The following ADAM10 variants were observed in gnomAD, a reference collection of about 807,000 sequenced individuals.
ADAM10 encodes the protein ADAM metallopeptidase domain 10.
In ADAM10, 17 loss-of-function variants were observed where a neutral mutation model predicts 90.1. The ratio of observed to expected loss-of-function variants is 0.19; its 90% CI spans 0.13 to 0.28. ADAM10 has a LOEUF of 0.28. Among genes scored for constraint, ADAM10 ranks in the 10% least tolerant of loss-of-function variants. ADAM10 has a pLI of 1.00. For synonymous variants in ADAM10, 310 were observed against 298.6 expected, an observed-to-expected ratio of 1.04 and a Z score of -0.40; for missense variants, 610 against 914.3, an observed-to-expected ratio of 0.67 and a Z score of 4.29.
At chr15:58,727,234 A>G (rs1406795276) in intron 1 of ADAM10, among the ~76,000 whole-genome samples, 1 of 123,968 alleles carries the variant, frequency 8.1e-6, no homozygotes, top group Non-Finnish European at 1.6e-5. Flanking sequence ...CTCGTTGCCC[A>G]GGCCGTAGCG....
chr15:58,669,051 T>C (rs1383073768), intron 4 of ADAM10, among the ~76,000 whole-genome samples: 1 of 152,164 alleles, frequency 6.6e-6, no homozygotes. Flanking sequence ...AATCTCCTAA[T>C]CATATGTCAA....
chr15:58,692,826 G>A (rs756928156), intron 2 of ADAM10: 4 of 649,078 alleles, frequency 6.2e-6, no homozygotes, highest in East Asian at 7.9e-5. Context: ...GCCCAATCAT[G>A]GAGATTTCTG....
At chr15:58,747,983 TTTG>T (rs1342007129) in intron 1 of ADAM10, 1 of 152,168 alleles carries the variant, frequency 6.6e-6, no homozygotes, top group African/African-American at 2.4e-5. Context: ...AGGAAAACGA[TTTG>T]TTGAAAGCCA....
intron 1 of ADAM10, among the ~76,000 whole-genome samples, chr15:58,731,823 C>G (rs922252885): frequency 6.6e-6 from 1 of 152,058 alleles, no homozygotes; most frequent in Non-Finnish European, 1.5e-5. Context: ...AAGCCCACCC[C>G]ATGACATGTG....
intron 1 of ADAM10, among the ~76,000 whole-genome samples, chr15:58,723,357 A>T (rs893226638): frequency 8.5e-5 from 13 of 152,138 alleles, no homozygotes; most frequent in Non-Finnish European, 1.5e-4. Flanking sequence ...GCGGAAAAAA[A>T]ATACACTGGT....
At chr15:58,657,463 T>C (rs1477090768) in intron 5 of ADAM10, among the ~76,000 whole-genome samples, 1 of 152,186 alleles carries the variant, frequency 6.6e-6, no homozygotes, top group Non-Finnish European at 1.5e-5. Context: ...TTTTATCAAT[T>C]CTGTTACTAA....
At position 58,597,305 on chromosome 15, in the gene ADAM10, A is replaced by T; in HGVS notation, c.*242T>A. 7.5e-7 allele frequency: 1 copy of T among 1,334,222 alleles called. No homozygotes were observed. Among genetic ancestry groups the T allele is most frequent in the Non-Finnish European group, 1.0e-6 (1 of 982,580 alleles). The allele number at this position is 1,334,222 out of a possible 1,614,324, so 82.6% of individuals were successfully genotyped here. On this transcript the variant is annotated 3_prime_UTR_variant, in exon 16 of 16. Transcript: ENST00000260408. ...TAATATTCTAAGACTTTGTGCCATT[A>T]AGTTAAAAATATCTGTTCATAAGAA...
chr15:58,663,188 C>T (rs1264220956), intron 5 of ADAM10, among the ~76,000 whole-genome samples: 4 of 152,186 alleles, frequency 2.6e-5, no homozygotes, highest in Non-Finnish European at 5.9e-5. Flanking sequence ...AAACTTCAAT[C>T]CATCTAGACT....
chr15:58,665,240 G>A, intron 4 of ADAM10, 43 bp from the exon 5 acceptor site: 2 of 1,374,246 alleles, frequency 1.5e-6, no homozygotes, highest in Middle Eastern at 3.6e-4. Context: ...ACACATTTAG[G>A]TATAACCAAT....
At chr15:58,661,142 T>C (rs942171122) in intron 5 of ADAM10, among the ~76,000 whole-genome samples, 10 of 152,262 alleles carry the variant, frequency 6.6e-5, no homozygotes, top group Non-Finnish European at 1.2e-4. Flanking sequence ...TCTCTGTATA[T>C]TACAAAATCC....
chr15:58,666,901 G>A (rs1009311353), intron 4 of ADAM10, among the ~76,000 whole-genome samples: 1 of 152,096 alleles, frequency 6.6e-6, no homozygotes, highest in Non-Finnish European at 1.5e-5. Context: ...CCAATAGAAA[G>A]GGTCAAGCAT....
Position 58,593,090 on chromosome 15 carries a change from G to A in ADAM10, c.*4457C>T, listed in dbSNP as rs1894859527. ...AATGAGAAAGGTGGGTTACAAAAGT[G>A]TGCATATTATGTTTTTGTCACACAC... On this transcript the variant is annotated 3_prime_UTR_variant, in exon 16 of 16. Transcript: ENST00000260408. 7.0e-6 allele frequency: 1 copy of A among 142,616 alleles called. No individual in the cohort carries two copies. The highest frequency in any genetic ancestry group is 2.3e-4 in the South Asian group (1 of 4,442). 8.8% of individuals were successfully genotyped at this position (142,616 alleles called of 1,614,324 possible). A position where few individuals can be genotyped will look rare whatever the true frequency, so the allele number is the denominator to read the frequency against.
rs1377396708 is a variant in ADAM10 at position 58,593,932 on chromosome 15, T to C, written c.*3615A>G. 1 of 152,160 alleles carries C rather than the reference T, an allele frequency of 6.6e-6. No homozygotes were observed. Among genetic ancestry groups the C allele is most frequent in the African/African-American group, 2.4e-5 (1 of 41,438 alleles). 9.4% of individuals were successfully genotyped at this position (152,160 alleles called of 1,614,324 possible). A position where few individuals can be genotyped will look rare whatever the true frequency, so the allele number is the denominator to read the frequency against. On this transcript the variant is annotated 3_prime_UTR_variant, in exon 16 of 16. Transcript: ENST00000260408. The stretch of plus-strand genomic sequence containing the variant: ...AAAGAGTTGAATACAGAAACAATAG[T>C]GAAAAAACTAAACTGGTAATAAACG...
At chr15:58,700,076 A>C (rs1898087739) in intron 2 of ADAM10, among the ~76,000 whole-genome samples, 1 of 152,202 alleles carries the variant, frequency 6.6e-6, no homozygotes, top group Admixed American at 6.5e-5. Context: ...ACCCAACTAC[A>C]GAGCACCCAT....
intron 5 of ADAM10, among the ~76,000 whole-genome samples, chr15:58,657,911 G>C (rs1233282796): frequency 1.6e-4 from 24 of 149,844 alleles, no homozygotes; most frequent in African/African-American, 5.2e-4. Flanking sequence ...TCTTAACTGA[G>C]TTATAACAGT....
At chr15:58,726,971 G>C (rs1412514004) in intron 1 of ADAM10, among the ~76,000 whole-genome samples, 1 of 151,454 alleles carries the variant, frequency 6.6e-6, no homozygotes, top group African/African-American at 2.4e-5. Context: ...GAAAGTAAAT[G>C]ATCTAACATA....
intron 14 of ADAM10, among the ~76,000 whole-genome samples, chr15:58,601,859 T>G (rs1895120782): frequency 6.6e-6 from 1 of 152,202 alleles, no homozygotes; most frequent in Non-Finnish European, 1.5e-5. Context: ...GTTCCTCTGG[T>G]GTTTCTTTGT....
At chr15:58,632,759 A>C (rs1896138101) in intron 9 of ADAM10, among the ~76,000 whole-genome samples, 1 of 152,248 alleles carries the variant, frequency 6.6e-6, no homozygotes, top group African/African-American at 2.4e-5. Flanking sequence ...AGTAGAGAAA[A>C]GATTTTAAAA....
At chr15:58,599,061 C>T (rs1273672163) in intron 15 of ADAM10, among the ~76,000 whole-genome samples, 4 of 151,800 alleles carry the variant, frequency 2.6e-5, no homozygotes, top group African/African-American at 9.7e-5. Context: ...GCAGTGCACG[C>T]GCCTATAGTC....
Sources: allele counts gnomAD v4.1 joint callset (sites outside exome capture counted in the v4.1 genomes callset), GRCh38; gene constraint gnomAD v4.1.1; transcripts MANE v1.5; gene names NCBI Gene and HGNC (gene_info 2026-07-23, HGNC 2026-07-21).